DNAH8: variants seen among roughly 807,000 people sequenced by gnomAD.
The protein encoded by DNAH8 is axonemal beta dynein heavy chain 8.
In DNAH8, 382 loss-of-function variants were observed where a neutral mutation model predicts 562.1. The ratio of observed to expected loss-of-function variants is 0.68; its 90% CI spans 0.63 to 0.74. The LOEUF (loss-of-function observed/expected upper bound fraction) is 0.74, where lower values mean the gene tolerates loss of function less well. Ranked by LOEUF, DNAH8 falls within the 30% of genes least tolerant of loss-of-function variation. The probability of loss-of-function intolerance (pLI) is 0.00; values close to 1 mark genes in which losing one functional copy is unlikely to be tolerated. For synonymous variants in DNAH8, 1,881 were observed against 1,919.4 expected, an observed-to-expected ratio of 0.98 and a Z score of 0.52; for missense variants, 5,203 against 5,620.4, an observed-to-expected ratio of 0.93 and a Z score of 2.37.
At chr6:39,017,351 G>A (rs1766633803) in intron 91 of DNAH8, among the ~76,000 whole-genome samples, 1 of 152,180 alleles carries the variant, frequency 6.6e-6, no homozygotes, top group Admixed American at 6.5e-5. Context: ...TGTCTGTGCT[G>A]TGTGTGGGGA....
chr6:38,815,415 G>A, intron 25 of DNAH8, 53 bp from the exon 26 acceptor site: 1 of 1,443,450 alleles, frequency 6.9e-7, no homozygotes, highest in Non-Finnish European at 9.6e-7. Context: ...TGAAAATTGA[G>A]GGATGGACTG....
At chr6:38,950,542 C>T (rs1421378282) in intron 81 of DNAH8, among the ~76,000 whole-genome samples, 1 of 151,748 alleles carries the variant, frequency 6.6e-6, no homozygotes, top group Non-Finnish European at 1.5e-5. Flanking sequence ...CGGGTTCACT[C>T]CAGTCTCCTG....
intron 62 of DNAH8, among the ~76,000 whole-genome samples, chr6:38,905,114 ACT>A (rs1172182250): frequency 7.9e-5 from 12 of 152,010 alleles, no homozygotes; most frequent in African/African-American, 2.2e-4. Context: ...TGAGAGGATT[ACT>A]CTGACAGCAT....
chr6:38,939,930 T>C (rs771944974), intron 79 of DNAH8, among the ~76,000 whole-genome samples: 7 of 152,120 alleles, frequency 4.6e-5, no homozygotes, highest in Non-Finnish European at 8.8e-5. Flanking sequence ...GTGGAGAACA[T>C]CTAAGTTGTA....
At chr6:38,898,115 T>A (rs370323469) in intron 60 of DNAH8, 143 bp from the exon 61 acceptor site, 11 of 721,416 alleles carry the variant, frequency 1.5e-5, no homozygotes, top group East Asian at 6.5e-5. Flanking sequence ...AGTAGACTAA[T>A]ACGTGAGAAA....
At chr6:38,790,609 G>A (rs1176765757) in intron 20 of DNAH8, among the ~76,000 whole-genome samples, 4 of 152,046 alleles carry the variant, frequency 2.6e-5, no homozygotes, top group Non-Finnish European at 5.9e-5. Context: ...TGGATCACGA[G>A]GTCAGGAGTT....
chr6:38,722,315 C>A (rs1193703648), intron 1 of DNAH8, among the ~76,000 whole-genome samples: 1 of 152,134 alleles, frequency 6.6e-6, no homozygotes, highest in East Asian at 1.9e-4. Flanking sequence ...TTACATAGTT[C>A]CTTGAAGCAA....
At chr6:38,885,060 C>G (rs1289649312) in intron 56 of DNAH8, among the ~76,000 whole-genome samples, 1 of 152,210 alleles carries the variant, frequency 6.6e-6, no homozygotes, top group Non-Finnish European at 1.5e-5. Context: ...CCAAACAGTT[C>G]TGTATGGCCT....
At chr6:39,021,115 G>A (rs1404209800) in intron 91 of DNAH8, among the ~76,000 whole-genome samples, 3 of 152,130 alleles carry the variant, frequency 2.0e-5, no homozygotes, top group Admixed American at 1.3e-4. Flanking sequence ...CAATGGCTGC[G>A]GAGAAATAGG....
At position 38,881,071 on chromosome 6, in the gene DNAH8, A is replaced by C. The variant is rs1337003263; in HGVS notation, c.7859-1839A>C. Among the ~76,000 whole-genome samples, 4 of 152,202 alleles carry C rather than the reference A, an allele frequency of 2.6e-5. No homozygotes were observed. The East Asian group carries it at 7.7e-4, about 29-fold the overall frequency. On this transcript the variant is annotated intron_variant, in intron 53 of 92. Coordinates refer to ENST00000327475, the MANE Select transcript of DNAH8 (RefSeq NM_001206927.2). The stretch of plus-strand genomic sequence containing the variant: ...CCCCGCACAATGGATATCATCACAT[A>C]GCCACTGGAATGTCTACAGTTAAAA...
intron 25 of DNAH8, among the ~76,000 whole-genome samples, chr6:38,814,598 CT>C (rs1562878184): frequency 6.6e-6 from 1 of 151,658 alleles, no homozygotes; most frequent in Non-Finnish European, 1.5e-5. Context: ...AAAGTTACTT[CT>C]GTATTAGCTC....
At chr6:38,779,841 C>A in intron 14 of DNAH8, 125 bp from the exon 15 acceptor site, 1 of 942,454 alleles carries the variant, frequency 1.1e-6, no homozygotes. Flanking sequence ...TTGCTTTGTC[C>A]TAGGACAACG....
At chr6:38,902,390 C>G (rs7757442) in intron 62 of DNAH8, among the ~76,000 whole-genome samples, 1 of 152,032 alleles carries the variant, frequency 6.6e-6, no homozygotes, top group African/African-American at 2.4e-5. Context: ...CCCTAATCAC[C>G]CCAGGGCCAC....
At chr6:38,922,969 C>T (rs1415108787) in intron 71 of DNAH8, 89 bp from the exon 72 acceptor site, 1 of 1,328,518 alleles carries the variant, frequency 7.5e-7, no homozygotes, top group Non-Finnish European at 1.0e-6. Flanking sequence ...TAAGAAATTC[C>T]CCCATGTATT....
chr6:38,850,413 G>A lies in DNAH8; in HGVS notation c.5362G>A (p.Gly1788Arg). 6.2e-7 allele frequency: 1 copy of A among 1,609,832 alleles called. No homozygotes were observed. ...QLEVCQKSLT[G>R]YLEKKRLLFP... is the part of the protein sequence containing the mutation. The stretch of plus-strand genomic sequence containing the variant: ...GGAAGTATGTCAGAAGTCACTCACA[G>A]GGTAAGAGTTTAATTTTTAAATCAC... Residue 1788 changes from glycine to arginine, a missense_variant and splice_region_variant, in exon 38 of 93, where the codon GGG becomes AGG. Gly to Arg is a moderately radical substitution (Grantham distance 125). Around this residue, in one of 6 missense-constraint regions of DNAH8, gnomAD observed 2,176 missense variants for 2,365.1 expected, o/e 0.92. Transcript: ENST00000327475.
intron 8 of DNAH8, among the ~76,000 whole-genome samples, chr6:38,745,311 C>T (rs1764837258): frequency 6.6e-6 from 1 of 152,152 alleles, no homozygotes. Context: ...TGTTTTCTCC[C>T]TTCATCCATA....
At chr6:38,901,621 T>C (rs991010598) in intron 62 of DNAH8, among the ~76,000 whole-genome samples, 1 of 152,182 alleles carries the variant, frequency 6.6e-6, no homozygotes, top group Non-Finnish European at 1.5e-5. Context: ...TTTGGTAGTG[T>C]CAGATCTCTA....
chr6:38,813,256 C>G (rs556626054), intron 24 of DNAH8, among the ~76,000 whole-genome samples: 6 of 152,314 alleles, frequency 3.9e-5, no homozygotes, highest in Non-Finnish European at 8.8e-5. Flanking sequence ...CACTGGGACA[C>G]TATGAATTGA....
intron 22 of DNAH8, among the ~76,000 whole-genome samples, chr6:38,803,851 A>G (rs1420960798): frequency 6.6e-6 from 1 of 151,948 alleles, no homozygotes; most frequent in Non-Finnish European, 1.5e-5. Flanking sequence ...GTACAGATAA[A>G]TGGTACCCAG....
Sources: gnomAD v4.1 joint callset for allele counts (sites outside exome capture counted in the v4.1 genomes callset) on GRCh38, gnomAD v4.1.1 for gene constraint, gnomAD v4.1.1 regional missense constraint, MANE v1.5 for transcripts, NCBI Gene and HGNC (gene_info 2026-07-23, HGNC 2026-07-21) for gene names.